SUMF1: variants seen among roughly 807,000 people sequenced by gnomAD.
SUMF1 encodes the protein formylglycine-generating enzyme.
In SUMF1, 48 loss-of-function variants were observed where a neutral mutation model predicts 47.6. The ratio of observed to expected loss-of-function variants is 1.01; its 90% confidence interval spans 0.80 to 1.28. The LOEUF (loss-of-function observed/expected upper bound fraction) is 1.28, where lower values mean the gene tolerates loss of function less well. Ranked by LOEUF, SUMF1 falls within the 50% of genes most tolerant of loss-of-function variation. The pLI is 0.00. For synonymous variants in SUMF1, 230 were observed against 192.1 expected (o/e 1.20, Z -1.63); for missense variants, 571 against 485.4 (o/e 1.18, Z -1.66).
intron 9 of SUMF1, among the ~76,000 whole-genome samples, chr3:4,045,658 G>C (rs1694994139): frequency 6.6e-6 from 1 of 151,952 alleles, no homozygotes; most frequent in African/African-American, 2.4e-5. Flanking sequence ...TTGTTTTCCA[G>C]ATTCTGCATA....
chr3:4,249,989 G>C (rs1032147394), intron 8 of SUMF1, among the ~76,000 whole-genome samples: 1 of 152,102 alleles, frequency 6.6e-6, no homozygotes, highest in Non-Finnish European at 1.5e-5. Flanking sequence ...TTTGAGACCA[G>C]CCTGGCCAAC....
At chr3:4,126,057 C>T (rs1353525635) in intron 8 of SUMF1, among the ~76,000 whole-genome samples, 1 of 151,562 alleles carries the variant, frequency 6.6e-6, no homozygotes, top group African/African-American at 2.4e-5. Context: ...CTGCATCCCA[C>T]CTGTCAGTGC....
intron 9 of SUMF1, among the ~76,000 whole-genome samples, chr3:4,051,159 A>T (rs1168842068): frequency 6.6e-6 from 1 of 151,732 alleles, no homozygotes; most frequent in Non-Finnish European, 1.5e-5. Flanking sequence ...AAAGGAAAGC[A>T]GTGGAAGAAA....
At chr3:4,401,701 C>T (rs553601401) in intron 7 of SUMF1, among the ~76,000 whole-genome samples, 3 of 152,172 alleles carry the variant, frequency 2.0e-5, no homozygotes, top group Non-Finnish European at 4.4e-5. Flanking sequence ...AACCATGGCT[C>T]TGTTATTCAG....
At chr3:4,126,326 T>C (rs990654278) in intron 8 of SUMF1, among the ~76,000 whole-genome samples, 3 of 151,906 alleles carry the variant, frequency 2.0e-5, no homozygotes, top group Non-Finnish European at 2.9e-5. Flanking sequence ...TCTTGACAGC[T>C]TTATTTCTTC....
chr3:4,148,716 G>C (rs537083938), intron 8 of SUMF1, among the ~76,000 whole-genome samples: 1 of 152,210 alleles, frequency 6.6e-6, no homozygotes, highest in South Asian at 2.1e-4. Flanking sequence ...TACAAAAACA[G>C]TCAATGGACC....
At chr3:4,447,712 A>G (rs1702828240) in intron 3 of SUMF1, among the ~76,000 whole-genome samples, 1 of 152,214 alleles carries the variant, frequency 6.6e-6, no homozygotes, top group Admixed American at 6.5e-5. Context: ...ATAAGCTTAA[A>G]AGGTTTGCTT....
chr3:4,331,230 A>G (rs1179327218), intron 8 of SUMF1, among the ~76,000 whole-genome samples: 1 of 152,006 alleles, frequency 6.6e-6, no homozygotes, highest in Non-Finnish European at 1.5e-5. Flanking sequence ...ATTTAAAAAA[A>G]AAAAACCTTT....
intron 8 of SUMF1, among the ~76,000 whole-genome samples, chr3:4,164,622 GGTTT>G (rs1694657429): frequency 6.6e-6 from 1 of 152,134 alleles, no homozygotes; most frequent in Non-Finnish European, 1.5e-5. Context: ...GAACCACCAA[GGTTT>G]GTTTGTCTGA....
At chr3:4,350,157 C>G (rs1025800716) in intron 8 of SUMF1, among the ~76,000 whole-genome samples, 2 of 151,756 alleles carry the variant, frequency 1.3e-5, no homozygotes, top group African/African-American at 4.8e-5. Flanking sequence ...TGCACCACCA[C>G]GCCAGGCTAA....
intron 8 of SUMF1, among the ~76,000 whole-genome samples, chr3:4,173,970 A>T (rs924459123): frequency 4.6e-5 from 7 of 152,146 alleles, no homozygotes; most frequent in African/African-American, 1.7e-4. Flanking sequence ...TGGCAGGAGT[A>T]TACCTATGTA....
chr3:4,044,142 A>C (rs1694964175), intron 9 of SUMF1, among the ~76,000 whole-genome samples: 1 of 152,198 alleles, frequency 6.6e-6, no homozygotes, highest in Non-Finnish European at 1.5e-5. Flanking sequence ...ATTGAAGAAA[A>C]GAAAATAAAT....
intron 7 of SUMF1, among the ~76,000 whole-genome samples, chr3:4,388,819 A>G (rs1393308305): frequency 6.6e-6 from 1 of 152,166 alleles, no homozygotes; most frequent in African/African-American, 2.4e-5. Context: ...TCATAAATGT[A>G]TCAGTCTACT....
chr3:4,385,474 T>C (rs189383661), intron 7 of SUMF1, among the ~76,000 whole-genome samples: 1 of 152,294 alleles, frequency 6.6e-6, no homozygotes, highest in East Asian at 1.9e-4. Flanking sequence ...AATTGGATTG[T>C]TCGGTTTTTT....
At chr3:4,080,497 G>A (rs1194302503) in intron 8 of SUMF1, among the ~76,000 whole-genome samples, 1 of 151,922 alleles carries the variant, frequency 6.6e-6, no homozygotes, top group Non-Finnish European at 1.5e-5. Context: ...ATGTACCTGG[G>A]AACCCTGCTT....
At chr3:4,121,951 G>A in intron 8 of SUMF1, among the ~76,000 whole-genome samples, 1 of 152,088 alleles carries the variant, frequency 6.6e-6, no homozygotes, top group Non-Finnish European at 1.5e-5. Flanking sequence ...CCATTTATAA[G>A]TGAGAACATG....
intron 9 of SUMF1, among the ~76,000 whole-genome samples, chr3:4,046,243 C>T (rs1695005325): frequency 6.6e-6 from 1 of 152,210 alleles, no homozygotes; most frequent in South Asian, 2.1e-4. Flanking sequence ...TGGCCCAAGT[C>T]GTGAGTTGAA....
intron 9 of SUMF1, among the ~76,000 whole-genome samples, chr3:4,060,691 C>A (rs574020102): frequency 0.044 from 6,690 of 152,122 alleles, 506 homozygotes; most frequent in African/African-American, 0.15. Flanking sequence ...TGAGTTTGCA[C>A]CAACTTTCAA....
chr3:4,034,568 G>C (rs545545956), intron 9 of SUMF1, among the ~76,000 whole-genome samples: 2 of 152,198 alleles, frequency 1.3e-5, no homozygotes, highest in South Asian at 4.2e-4. Flanking sequence ...CAGAAGCCCA[G>C]AATCTGCATT....
Sources: gnomAD v4.1 joint callset for allele counts (sites outside exome capture counted in the v4.1 genomes callset) on GRCh38, gnomAD v4.1.1 for gene constraint, MANE v1.5 for transcripts, NCBI Gene and HGNC (gene_info 2026-07-23, HGNC 2026-07-21) for gene names.